The following GREB1 variants were observed in gnomAD, a reference collection of about 807,000 sequenced individuals.
GREB1 encodes the protein protein GREB1.
GREB1 carries 106 observed loss-of-function variants against 200.7 expected under a neutral mutation model. The ratio of observed to expected loss-of-function variants is 0.53; its 90% confidence interval spans 0.45 to 0.62. The LOEUF (loss-of-function observed/expected upper bound fraction) is 0.62, where lower values mean the gene tolerates loss of function less well. Among genes scored for constraint, GREB1 ranks in the 20% least tolerant of loss-of-function variants. GREB1 has a pLI of 0.00. For missense variants in GREB1, 2,243 were observed against 2,556.8 expected (o/e 0.88, Z 2.65); for synonymous variants, 1,132 against 1,092.4 (o/e 1.04, Z -0.72).
chr2:11,510,711 C>T (rs1273168930), intron 1 of GREB1, among the ~76,000 whole-genome samples: 4 of 125,794 alleles, frequency 3.2e-5, no homozygotes, highest in Admixed American at 8.3e-5. Context: ...TTTTTTGAGA[C>T]GGAGTCTTAC....
In GREB1 at chr2:11,632,938, C is replaced by T. The variant is rs769582929; in HGVS notation, c.4866C>T (p.Leu1622=). The change falls in exon 28 of 33, where the codon CTC becomes CTT. Residue 1622 remains leucine (L), a synonymous_variant. Coordinates refer to ENST00000381486, the MANE Select transcript of GREB1 (RefSeq NM_014668.4). The part of the protein sequence containing the change: ...IKELSYHNLE[L]ERNRQEELGI... ...AGCTGTCCTACCATAACCTGGAGCT[C>T]GAGCGGAACCGGCAGGAGGAGCTGG... is the stretch of plus-strand genomic sequence containing the variant. 1.5e-5 allele frequency: 25 copies of T among 1,614,128 alleles called. No individual in the cohort carries two copies. Among genetic ancestry groups the T allele is most frequent in the East Asian group, 4.5e-5 (2 of 44,868 alleles).
At chr2:11,541,279 C>T (rs1674717383) in intron 1 of GREB1, among the ~76,000 whole-genome samples, 1 of 152,072 alleles carries the variant, frequency 6.6e-6, no homozygotes, top group African/African-American at 2.4e-5. Flanking sequence ...AAAGGGAGGC[C>T]GGGCAGGAAG....
intron 1 of GREB1, among the ~76,000 whole-genome samples, chr2:11,539,300 C>T (rs113226574): frequency 1.3e-4 from 20 of 150,922 alleles, no homozygotes; most frequent in African/African-American, 4.6e-4. Context: ...ATCCTCCCAT[C>T]TCGGCCTCCC....
upstream of GREB1, among the ~76,000 whole-genome samples, chr2:11,532,649 T>C (rs1325527025): frequency 6.6e-6 from 1 of 152,160 alleles, no homozygotes; most frequent in Admixed American, 6.5e-5. Context: ...ATCAGACTCA[T>C]TGTTTTGTAG....
chr2:11,487,625 T>C (rs1672684590), intron 1 of GREB1, among the ~76,000 whole-genome samples: 1 of 152,194 alleles, frequency 6.6e-6, no homozygotes, highest in Non-Finnish European at 1.5e-5. Context: ...AACTTCTTTT[T>C]GATTATGGAA....
In GREB1 at chr2:11,492,267, A is replaced by C. The variant is rs755280349; in HGVS notation, c.-159+9886A>C. ...CACTTGGTAGAAGCAACCATGCCAC[A>C]TTTGGCTAAGTCTGAAGTTAGGACA... On this transcript the variant is annotated intron_variant, in intron 1 of 2. Coordinates refer to the GREB1 transcript ENST00000628795. This position sits in a 1 kb window ranked among gnomAD's most constrained non-coding sequence, Gnocchi z 4.0. Among the ~76,000 whole-genome samples the C allele has an allele frequency of 6.6e-6, 1 of 152,162 alleles. No individual in the cohort carries two copies. The highest frequency in any genetic ancestry group is 1.5e-5 in the Non-Finnish European group (1 of 68,026).
rs568437803 is a variant in GREB1 at position 11,640,622 on chromosome 2, A to T, written c.*168A>T. ...GGGCCCCCGAGGCCGTGGTCCTGGG[A>T]GCCAGGAAGACTCCGCAGTGGGTGA... On this transcript the variant is annotated 3_prime_UTR_variant, in exon 33 of 33. Transcript: ENST00000381486. The surrounding 1 kb of genome is among the most constrained non-coding windows in gnomAD (Gnocchi z 4.6). 14 of 704,290 alleles carry T rather than the reference A, an allele frequency of 2.0e-5. 1 individual carries two copies. The East Asian group carries it at 3.6e-4, about 18-fold the overall frequency. 43.6% of individuals were successfully genotyped at this position (704,290 alleles called of 1,614,324 possible). A position where few individuals can be genotyped will look rare whatever the true frequency, so the allele number is the denominator to read the frequency against.
intron 3 of GREB1, 185 bp downstream of exon 3, chr2:11,562,767 G>A: frequency 3.7e-6 from 2 of 534,280 alleles, no homozygotes; most frequent in Non-Finnish European, 6.3e-6. Context: ...CTGCCCTCCT[G>A]AAACAGGAGC....
Position 11,635,583 on chromosome 2 carries a change from G to A in GREB1, c.5346+178G>A, listed in dbSNP as rs79954307. Among the ~76,000 whole-genome samples the A allele has an allele frequency of 4.7e-3, 711 of 152,250 alleles. 7 individuals carry two copies. Among genetic ancestry groups the A allele is most frequent in the African/African-American group, 0.016 (670 of 41,546 alleles). On this transcript the variant is annotated intron_variant, in intron 30 of 32. Transcript: ENST00000381486. ...GGCATTGAGCCCTGGGAAATGATGG[G>A]GTCTCTCTTCTACCTCTGACATTAA...
chr2:11,586,034 T>G, intron 9 of GREB1, 129 bp downstream of exon 9: 1 of 920,828 alleles, frequency 1.1e-6, no homozygotes. Context: ...CTAAAATGCT[T>G]TCCAGGGCAA....
At chr2:11,637,320 G>A (rs1300220688) in intron 30 of GREB1, among the ~76,000 whole-genome samples, 6 of 152,094 alleles carry the variant, frequency 3.9e-5, no homozygotes, top group Non-Finnish European at 2.9e-5. Context: ...GCCTGTGGCT[G>A]GGATGCTGAC....
chr2:11,611,516 G>A lies in GREB1; in HGVS notation c.3006+489G>A, dbSNP rs551335801. On this transcript the variant is annotated intron_variant, in intron 18 of 32. Transcript: ENST00000381486. ...TTTAAAATTTTCTCCATGTTGCCCC[G>A]GCTGATCTCAAACTCCTGAGTTCAA... is the stretch of plus-strand genomic sequence containing the variant. Among the ~76,000 whole-genome samples the A allele has an allele frequency of 2.1e-3, 324 of 152,158 alleles. 3 individuals are homozygous for A. Among genetic ancestry groups the A allele is most frequent in the African/African-American group, 7.3e-3 (305 of 41,502 alleles).
chr2:11,637,654 A>G, intron 30 of GREB1, 62 bp from the exon 31 acceptor site: 2 of 1,512,708 alleles, frequency 1.3e-6, no homozygotes, highest in Non-Finnish European at 1.8e-6. Flanking sequence ...GCAGCCCGGA[A>G]GCCATGGGAA....
At chr2:11,544,404 GGC>G (rs1675055925) in intron 1 of GREB1, among the ~76,000 whole-genome samples, 1 of 152,008 alleles carries the variant, frequency 6.6e-6, no homozygotes, top group Non-Finnish European at 1.5e-5. Flanking sequence ...TTTTTGTAGA[GGC>G]AGGGTTTCAC....
intron 7 of GREB1, among the ~76,000 whole-genome samples, chr2:11,581,439 C>T (rs1410180251): frequency 6.6e-6 from 1 of 152,144 alleles, no homozygotes; most frequent in East Asian, 1.9e-4. Context: ...TGAGCTGCAA[C>T]TTAGAAGCTG....
intron 2 of GREB1, among the ~76,000 whole-genome samples, chr2:11,561,935 T>A (rs1213678273): frequency 3.9e-5 from 6 of 152,190 alleles, no homozygotes; most frequent in Non-Finnish European, 5.9e-5. Context: ...AGCACATAGT[T>A]GAATAGCTGT....
rs1450743828 is a variant in GREB1, at chr2:11,638,023, C to T, written c.5547+107C>T. ...TCCTAAGTCCTCAACTCCTTCGTCT[C>T]GGGGTTGACCCCACTTTGTAGGTTT... is the stretch of plus-strand genomic sequence containing the variant. On this transcript the variant is annotated intron_variant, in intron 31 of 32. Transcript: ENST00000381486. The T allele has an allele frequency of 1.4e-5, 13 of 923,756 alleles. 1 individual carries two copies. Among genetic ancestry groups the T allele is most frequent in the East Asian group, 1.3e-4 (5 of 39,034 alleles). 57.2% of individuals were successfully genotyped at this position (923,756 alleles called of 1,614,324 possible). A position where few individuals can be genotyped will look rare whatever the true frequency, so the allele number is the denominator to read the frequency against.
In GREB1 at chr2:11,595,731, G is replaced by A. The variant is rs559613879; in HGVS notation, c.1825+352G>A. 2.9e-4 allele frequency among the ~76,000 whole-genome samples: 44 copies of A among 152,106 alleles called. No individual in the cohort carries two copies. The South Asian group carries it at 6.7e-3, about 23-fold the overall frequency. On this transcript the variant is annotated intron_variant, in intron 12 of 32. Coordinates refer to ENST00000381486, the MANE Select transcript of GREB1 (RefSeq NM_014668.4). ...TCTCCCCTTTTTGCTGGAGAGTTCC[G>A]CATCCCTCGTGCTCTGGGCTGTGAG...
intron 15 of GREB1, 101 bp downstream of exon 15, chr2:11,598,961 A>G (rs1222888289): frequency 6.0e-6 from 6 of 994,090 alleles, no homozygotes; most frequent in Non-Finnish European, 9.4e-6. Context: ...GAAAAGATGG[A>G]TGATGTTTGG....
Sources: gnomAD v4.1 joint callset for allele counts (sites outside exome capture counted in the v4.1 genomes callset) on GRCh38, gnomAD v4.1.1 for gene constraint, Gnocchi (gnomAD v3.1) non-coding constraint, MANE v1.5 for transcripts, NCBI Gene and HGNC (gene_info 2026-07-23, HGNC 2026-07-21) for gene names.